The following MGA variants were observed in gnomAD, a reference collection of about 807,000 sequenced individuals.
MGA encodes MAX dimerization protein MGA.
MGA carries 40 observed loss-of-function variants against 261.1 expected under a neutral mutation model. The observed-to-expected ratio is 0.15, with a 90% CI of 0.12 to 0.20. MGA has a LOEUF of 0.20. Among genes scored for constraint, MGA ranks in the 10% least tolerant of loss-of-function variants. The pLI is 1.00. For missense variants in MGA, 3,397 were observed against 3,630.5 expected (o/e 0.94, Z 1.65); for synonymous variants, 1,302 against 1,290.6 (o/e 1.01, Z -0.19).
chr15:41,765,193 G>A, intron 23 of MGA, 131 bp downstream of exon 23: 1 of 1,076,720 alleles, frequency 9.3e-7, no homozygotes, highest in Non-Finnish European at 1.4e-6. Context: ...CTTGGTAAGA[G>A]GTGGCCCTAT....
intron 5 of MGA, among the ~76,000 whole-genome samples, chr15:41,703,934 A>C (rs1411828576): frequency 6.6e-6 from 1 of 152,042 alleles, no homozygotes; most frequent in African/African-American, 2.4e-5. Flanking sequence ...CAGCCCCCCA[A>C]GTAGCTGGGA....
chr15:41,646,000 A>C (rs1193390408), intron 1 of MGA, among the ~76,000 whole-genome samples: 1 of 152,224 alleles, frequency 6.6e-6, no homozygotes, highest in Non-Finnish European at 1.5e-5. Context: ...AGAGCCATTC[A>C]GTGTTCAATT....
chr15:41,718,606 T>G lies in MGA; in HGVS notation c.3430+5110T>G, dbSNP rs546818894. 1.8e-5 allele frequency: 6 copies of G among 325,106 alleles called. No individual in the cohort carries two copies. The South Asian group carries it at 4.8e-4, about 26-fold the overall frequency. The allele number at this position is 325,106 out of a possible 1,614,324, so 20.1% of individuals were successfully genotyped here. ...TCGAAGTGAGCATCAATAAGATGTT[T>G]TGGGATTTTTACATTGCTAATGCCA... On this transcript the variant is annotated intron_variant, in intron 9 of 23. Coordinates refer to ENST00000219905, the MANE Select transcript of MGA (RefSeq NM_001164273.2).
At chr15:41,754,831 G>T (rs1431702382) in intron 18 of MGA, among the ~76,000 whole-genome samples, 1 of 152,130 alleles carries the variant, frequency 6.6e-6, no homozygotes, top group Admixed American at 6.5e-5. Context: ...TTGCTAGTTT[G>T]TAGGTATTTA....
intron 1 of MGA, among the ~76,000 whole-genome samples, chr15:41,621,758 C>G (rs745621035): frequency 1.2e-4 from 18 of 151,908 alleles, no homozygotes; most frequent in Admixed American, 3.3e-4. Context: ...CACAGCCAAT[C>G]TCAGGCCGAG....
At chr15:41,666,642 A>G (rs111691210) in intron 1 of MGA, among the ~76,000 whole-genome samples, 28 of 152,220 alleles carry the variant, frequency 1.8e-4, no homozygotes, top group Non-Finnish European at 3.5e-4. Flanking sequence ...TCTTCTGAAC[A>G]TTTTACGCTT....
At chr15:41,671,201 C>T (rs1026575631) in intron 2 of MGA, among the ~76,000 whole-genome samples, 1 of 152,202 alleles carries the variant, frequency 6.6e-6, no homozygotes, top group African/African-American at 2.4e-5. Context: ...CAACTAACCA[C>T]AAATCCAAAA....
intron 1 of MGA, among the ~76,000 whole-genome samples, chr15:41,641,487 CTTT>C (rs35157141): frequency 4.9e-5 from 6 of 123,680 alleles, no homozygotes; most frequent in African/African-American, 1.5e-4. Flanking sequence ...CATCCTAACA[CTTT>C]TTTTTTTTTT....
At chr15:41,744,872 GTGTT>G (rs139982892) in intron 15 of MGA, among the ~76,000 whole-genome samples, 2,220 of 152,094 alleles carry the variant, frequency 0.015, 20 homozygotes, top group Middle Eastern at 0.041. Flanking sequence ...AAATGTGTGT[GTGTT>G]TGTTTATTTA....
chr15:41,635,786 C>T (rs560974165), intron 1 of MGA, among the ~76,000 whole-genome samples: 1 of 152,286 alleles, frequency 6.6e-6, no homozygotes, highest in East Asian at 1.9e-4. Context: ...ACTGCATATA[C>T]TGTGGTGGTC....
At position 41,766,871 on chromosome 15, in the gene MGA, T is replaced by C. The variant is rs766957868; in HGVS notation, c.8789T>C (p.Ile2930Thr). The change falls in exon 24 of 24, where the codon ATT becomes ACT. Residue 2930 changes from isoleucine to threonine, a missense_variant. Physicochemically the swap from Ile to Thr is moderately conservative, Grantham distance 89. This residue lies in a region of MGA where 647 missense variants were observed against 642.4 expected (regional missense o/e 1.01). Coordinates refer to ENST00000219905, the MANE Select transcript of MGA (RefSeq NM_001164273.2). ...GAGCCAGATGTCCTTAAGATTGTTA[T>C]TGACTCTGAAATAAAGGATTCCCTC... 8 of 1,613,904 alleles carry C rather than the reference T, an allele frequency of 5.0e-6. No homozygotes were observed. The highest frequency in any genetic ancestry group is 6.8e-6 in the Non-Finnish European group (8 of 1,179,910).
intron 17 of MGA, chr15:41,751,517 A>C (rs923354205): frequency 1.3e-5 from 2 of 152,134 alleles, no homozygotes; most frequent in Non-Finnish European, 2.9e-5. Context: ...TGACGTCAGG[A>C]GTTTGAGACT....
chr15:41,725,579 A>T (rs1295787324), intron 9 of MGA, among the ~76,000 whole-genome samples: 1 of 8,780 alleles, frequency 1.1e-4, no homozygotes, highest in Non-Finnish European at 3.9e-4. Context: ...CACGCCTGTA[A>T]TCCCAGCACT....
rs2063959959 is a variant in MGA at position 41,769,894 on chromosome 15, G to C, written c.*2614G>C. ...AAGAACAGAAGTTTGGTGATTGAAA[G>C]GTAGAATATATAAACCTGAAATAAA... On this transcript the variant is annotated 3_prime_UTR_variant, in exon 24 of 24. Coordinates refer to ENST00000219905, the MANE Select transcript of MGA (RefSeq NM_001164273.2). 6.6e-6 allele frequency: 1 copy of C among 152,534 alleles called. No individual in the cohort carries two copies. The highest frequency in any genetic ancestry group is 1.5e-5 in the Non-Finnish European group (1 of 68,008). 9.4% of individuals were successfully genotyped at this position (152,534 alleles called of 1,614,324 possible). A position where few individuals can be genotyped will look rare whatever the true frequency, so the allele number is the denominator to read the frequency against.
At chr15:41,741,075 G>A (rs937315470) in intron 14 of MGA, among the ~76,000 whole-genome samples, 5 of 152,022 alleles carry the variant, frequency 3.3e-5, no homozygotes, top group Non-Finnish European at 2.9e-5. Context: ...TTGGCCGGGC[G>A]CGGTGGCTCA....
rs1041337721 is a variant in MGA at position 41,678,912 on chromosome 15, T to G, written c.1064+8954T>G. 4.6e-4 allele frequency among the ~76,000 whole-genome samples: 70 copies of G among 152,266 alleles called. 1 individual carries two copies. The highest frequency in any genetic ancestry group is 5.7e-4 in the Non-Finnish European group (39 of 68,052). Reference sequence around the variant, plus strand: ...TTCGCCTATATGTTTATGTTTATCTTTATGCCAGTGTCACATTATTTTGAT... The same window carrying G: ...TTCGCCTATATGTTTATGTTTATCTGTATGCCAGTGTCACATTATTTTGAT... On this transcript the variant is annotated intron_variant, in intron 2 of 23. Transcript: ENST00000219905.
At chr15:41,754,405 A>G in intron 17 of MGA, 32 bp from the exon 18 acceptor site, 1 of 1,506,560 alleles carries the variant, frequency 6.6e-7, no homozygotes, top group Non-Finnish European at 8.9e-7. Flanking sequence ...GCCACTCAAT[A>G]CATTATTTAC....
At chr15:41,753,579 T>G (rs2062975808) in intron 17 of MGA, among the ~76,000 whole-genome samples, 1 of 152,122 alleles carries the variant, frequency 6.6e-6, no homozygotes, top group Admixed American at 6.5e-5. Context: ...ATCGTGGGCT[T>G]TTTTGAAACC....
intron 1 of MGA, among the ~76,000 whole-genome samples, chr15:41,661,235 G>A (rs774532257): frequency 2.0e-5 from 3 of 152,086 alleles, no homozygotes; most frequent in Non-Finnish European, 4.4e-5. Context: ...CCTCTGTGGG[G>A]CAGCCTTTTA....
Sources: gnomAD v4.1 joint callset for allele counts (sites outside exome capture counted in the v4.1 genomes callset) on GRCh38, gnomAD v4.1.1 for gene constraint, gnomAD v4.1.1 regional missense constraint, MANE v1.5 for transcripts, NCBI Gene and HGNC (gene_info 2026-07-23, HGNC 2026-07-21) for gene names.